Variants in PDE10A observed in about 807,000 individuals in gnomAD.
PDE10A encodes the protein cAMP and cAMP-inhibited cGMP 3',5'-cyclic phosphodiesterase 10A.
A neutral mutation model predicts 97.7 loss-of-function variants in PDE10A; 39 were observed. The observed-to-expected ratio is 0.40, with a 90% CI of 0.31 to 0.52. The LOEUF (loss-of-function observed/expected upper bound fraction) is 0.52, where lower values mean the gene tolerates loss of function less well. PDE10A is among the 20% of genes least tolerant of loss of function. The probability of loss-of-function intolerance (pLI) is 0.56; values close to 1 mark genes in which losing one functional copy is unlikely to be tolerated. For missense variants in PDE10A, 731 were observed against 1,047.8 expected, an observed-to-expected ratio of 0.70 and a Z score of 4.17; for synonymous variants, 371 against 376.8, an observed-to-expected ratio of 0.98 and a Z score of 0.18.
intron 10 of PDE10A, among the ~76,000 whole-genome samples, chr6:165,424,240 T>C (rs1364698809): frequency 1.3e-5 from 2 of 152,174 alleles, no homozygotes; most frequent in East Asian, 3.9e-4. Context: ...ACTGTTATGC[T>C]CCTTAATAGG....
intron 18 of PDE10A, among the ~76,000 whole-genome samples, chr6:165,372,884 C>T (rs905312798): frequency 5.3e-5 from 8 of 151,984 alleles, no homozygotes; most frequent in African/African-American, 1.7e-4. Flanking sequence ...AACAGAGAAA[C>T]AGATCAGTGG....
At chr6:165,762,305 TA>T (rs949914876) in intron 1 of PDE10A, among the ~76,000 whole-genome samples, 68 of 152,306 alleles carry the variant, frequency 4.5e-4, no homozygotes, top group African/African-American at 1.6e-3. Flanking sequence ...AGCACCTTAT[TA>T]AAACCTTCTT....
At chr6:165,803,256 T>C (rs142192667) in intron 1 of PDE10A, among the ~76,000 whole-genome samples, 6 of 152,332 alleles carry the variant, frequency 3.9e-5, no homozygotes, top group African/African-American at 1.4e-4. Context: ...ACATCCTTGC[T>C]CCTTTCATTC....
intron 1 of PDE10A, among the ~76,000 whole-genome samples, chr6:165,794,643 T>A (rs1056478931): frequency 1.3e-5 from 2 of 151,822 alleles, no homozygotes; most frequent in African/African-American, 4.8e-5. Context: ...CAACCCACAC[T>A]CTCACACACA....
intron 1 of PDE10A, chr6:165,894,798 G>A (rs1053000365): frequency 1.2e-5 from 3 of 257,526 alleles, no homozygotes; most frequent in South Asian, 4.7e-5. Flanking sequence ...TTTGTTCAAA[G>A]CTGCAAGCTG....
At chr6:165,942,563 GCCGCTCTGCCC>G (rs1388932753) in intron 1 of PDE10A, among the ~76,000 whole-genome samples, 1 of 152,046 alleles carries the variant, frequency 6.6e-6, no homozygotes, top group African/African-American at 2.4e-5. Flanking sequence ...GCCAGGGCTC[GCCGCTCTGCCC>G]CCGCTCTGCC....
chr6:165,728,346 T>G (rs149366205), intron 1 of PDE10A, among the ~76,000 whole-genome samples: 4 of 152,214 alleles, frequency 2.6e-5, no homozygotes, highest in Non-Finnish European at 4.4e-5. Flanking sequence ...CACATTTCAA[T>G]GGATTCATAA....
intron 1 of PDE10A, among the ~76,000 whole-genome samples, chr6:165,808,120 T>A (rs1001555531): frequency 1.4e-4 from 22 of 152,324 alleles, no homozygotes; most frequent in African/African-American, 5.3e-4. Context: ...TGGAGTTGCA[T>A]CGTGGGACTG....
chr6:165,495,718 T>C (rs144517185), intron 2 of PDE10A, among the ~76,000 whole-genome samples: 1 of 152,146 alleles, frequency 6.6e-6, no homozygotes, highest in Non-Finnish European at 1.5e-5. Flanking sequence ...CTACAATATA[T>C]AAGACTCTTT....
At chr6:165,684,557 C>T (rs1383740410) in intron 1 of PDE10A, among the ~76,000 whole-genome samples, 4 of 152,172 alleles carry the variant, frequency 2.6e-5, no homozygotes, top group East Asian at 3.9e-4. Flanking sequence ...ATGGGCAACA[C>T]GACCCATTAT....
rs150160507 is a variant in PDE10A, at chr6:165,683,420, GCA to G, written c.-614-139854_-614-139853del. ...TGCAGACACATACACAGATGCTCAA[GCA>G]CACACACACACGCGCTCACACACGA... is the stretch of plus-strand genomic sequence containing the variant. On this transcript the variant is annotated intron_variant, in intron 1 of 19. Transcript: ENST00000366882. Among the ~76,000 whole-genome samples, 98 of 151,804 alleles carry G rather than the reference GCA, an allele frequency of 6.5e-4. 2 individuals carry two copies. The highest frequency in any genetic ancestry group is 6.3e-4 in the South Asian group (3 of 4,786).
chr6:165,511,969 T>C (rs1292326904), intron 2 of PDE10A, among the ~76,000 whole-genome samples: 1 of 152,006 alleles, frequency 6.6e-6, no homozygotes, highest in African/African-American at 2.4e-5. Context: ...TTTGTTTTGT[T>C]TTCCATTCAG....
chr6:165,828,025 G>A (rs541617750), intron 1 of PDE10A, among the ~76,000 whole-genome samples: 206 of 152,302 alleles, frequency 1.4e-3, no homozygotes, highest in African/African-American at 4.7e-3. Flanking sequence ...ACTAGCACAG[G>A]AGGGGTAAAT....
chr6:165,552,124 A>T (rs1295907909), intron 1 of PDE10A, among the ~76,000 whole-genome samples: 1 of 151,994 alleles, frequency 6.6e-6, no homozygotes, highest in Non-Finnish European at 1.5e-5. Flanking sequence ...CTATACTCTC[A>T]TTGTACCCTC....
chr6:165,406,600 T>C (rs1787192751), intron 13 of PDE10A, among the ~76,000 whole-genome samples: 1 of 152,104 alleles, frequency 6.6e-6, no homozygotes, highest in African/African-American at 2.4e-5. Flanking sequence ...AAAATTAACC[T>C]CACCGTCTTT....
intron 1 of PDE10A, among the ~76,000 whole-genome samples, chr6:165,683,408 A>C (rs1369813452): frequency 6.6e-6 from 1 of 152,206 alleles, no homozygotes; most frequent in Non-Finnish European, 1.5e-5. Flanking sequence ...AGACACATAC[A>C]CAGATGCTCA....
At chr6:165,709,316 C>G (rs1183959072) in intron 1 of PDE10A, among the ~76,000 whole-genome samples, 3 of 144,340 alleles carry the variant, frequency 2.1e-5, no homozygotes, top group African/African-American at 5.2e-5. Flanking sequence ...CGCTCTCCCC[C>G]CACTCCACCG....
intron 1 of PDE10A, among the ~76,000 whole-genome samples, chr6:165,613,974 T>G (rs1484263409): frequency 6.6e-6 from 1 of 152,130 alleles, no homozygotes; most frequent in African/African-American, 2.4e-5. Context: ...TTCACCCACC[T>G]GCCCACACCC....
At chr6:165,366,671 T>C (rs1000786456) in intron 18 of PDE10A, among the ~76,000 whole-genome samples, 4 of 152,112 alleles carry the variant, frequency 2.6e-5, no homozygotes, top group Non-Finnish European at 4.4e-5. Flanking sequence ...AGTCTGGGGA[T>C]GTCAGAGCAC....
Sources: allele counts gnomAD v4.1 joint callset (sites outside exome capture counted in the v4.1 genomes callset), GRCh38; gene constraint gnomAD v4.1.1; transcripts MANE v1.5; gene names NCBI Gene and HGNC (gene_info 2026-07-23, HGNC 2026-07-21).